The following DGKI variants were observed in gnomAD, a reference collection of about 807,000 sequenced individuals.
DGKI encodes the protein diacylglycerol kinase iota.
A neutral mutation model predicts 147.5 loss-of-function variants in DGKI; 55 were observed. The ratio of observed to expected loss-of-function variants is 0.37; its 90% CI spans 0.30 to 0.47. DGKI has a LOEUF of 0.47. Ranked by LOEUF, DGKI falls within the 20% of genes least tolerant of loss-of-function variation. The pLI is 1.00. For missense variants in DGKI, 1,007 were observed against 1,323.8 expected (o/e 0.76, Z 3.71); for synonymous variants, 469 against 477.1 (o/e 0.98, Z 0.22).
intron 1 of DGKI, among the ~76,000 whole-genome samples, chr7:137,802,834 C>A (rs1797257437): frequency 6.6e-6 from 1 of 152,094 alleles, no homozygotes; most frequent in South Asian, 2.1e-4. Flanking sequence ...TTACTCTGGC[C>A]TTTATTTAAT....
At chr7:137,833,907 T>A (rs1044165456) in intron 1 of DGKI, among the ~76,000 whole-genome samples, 7 of 152,194 alleles carry the variant, frequency 4.6e-5, no homozygotes, top group African/African-American at 1.7e-4. Context: ...TTTGGATGCA[T>A]ATAGGAATAT....
intron 12 of DGKI, 108 bp downstream of exon 12, chr7:137,597,739 T>G (rs1225356876): frequency 1.0e-6 from 1 of 977,248 alleles, no homozygotes; most frequent in Non-Finnish European, 1.6e-6. Flanking sequence ...GAGATATACA[T>G]GTGTTAGGGG....
At chr7:137,734,928 C>T (rs1202002686) in intron 1 of DGKI, among the ~76,000 whole-genome samples, 1 of 152,092 alleles carries the variant, frequency 6.6e-6, no homozygotes, top group Admixed American at 6.5e-5. Context: ...CTTTACACAT[C>T]ACCGCTGATC....
intron 1 of DGKI, among the ~76,000 whole-genome samples, chr7:137,719,156 C>G (rs1010858532): frequency 6.6e-6 from 1 of 152,082 alleles, no homozygotes; most frequent in African/African-American, 2.4e-5. Context: ...CTAGGAGTCT[C>G]TGAAGTCAAA....
At chr7:137,423,706 G>A (rs1032410188) in intron 28 of DGKI, among the ~76,000 whole-genome samples, 11 of 152,000 alleles carry the variant, frequency 7.2e-5, no homozygotes, top group Non-Finnish European at 1.2e-4. Flanking sequence ...CCCCTCACTG[G>A]AACAAAAGTA....
At chr7:137,768,628 G>A (rs776601937) in intron 1 of DGKI, among the ~76,000 whole-genome samples, 3 of 152,176 alleles carry the variant, frequency 2.0e-5, no homozygotes, top group African/African-American at 7.2e-5. Flanking sequence ...TGCACGTACA[G>A]GCCCCGGGCA....
intron 21 of DGKI, chr7:137,513,971 G>A (rs573290596): frequency 4.4e-4 from 313 of 713,070 alleles, no homozygotes; most frequent in Non-Finnish European, 5.9e-4. Context: ...GGCCACAGGA[G>A]CAGAAACATG....
At chr7:137,701,384 C>T (rs1823979073) in intron 1 of DGKI, among the ~76,000 whole-genome samples, 1 of 141,126 alleles carries the variant, frequency 7.1e-6, no homozygotes. Context: ...ATAATAAAGG[C>T]ATACATATTG....
chr7:137,724,469 A>G (rs1794663375), intron 1 of DGKI, among the ~76,000 whole-genome samples: 1 of 152,230 alleles, frequency 6.6e-6, no homozygotes, highest in Admixed American at 6.5e-5. Flanking sequence ...CCAGAAAGTG[A>G]TGGCTTGGAT....
intron 29 of DGKI, among the ~76,000 whole-genome samples, chr7:137,411,339 T>C (rs936633860): frequency 6.6e-6 from 1 of 152,104 alleles, no homozygotes; most frequent in Non-Finnish European, 1.5e-5. Flanking sequence ...ATAACAAATA[T>C]TTGTATTTCC....
At chr7:137,540,541 T>C (rs1358452838) in intron 20 of DGKI, among the ~76,000 whole-genome samples, 1 of 151,886 alleles carries the variant, frequency 6.6e-6, no homozygotes, top group Non-Finnish European at 1.5e-5. Flanking sequence ...AAAAGTTAGC[T>C]AGGCATGGTA....
chr7:137,663,346 A>T (rs1822513620), intron 3 of DGKI, among the ~76,000 whole-genome samples: 2 of 152,234 alleles, frequency 1.3e-5, no homozygotes, highest in Admixed American at 1.3e-4. Context: ...CACCTAGAGG[A>T]GGGCAAAATC....
At chr7:137,768,190 T>C (rs1009358922) in intron 1 of DGKI, among the ~76,000 whole-genome samples, 6 of 152,200 alleles carry the variant, frequency 3.9e-5, no homozygotes, top group African/African-American at 9.7e-5. Context: ...TACCTAATAC[T>C]ATCATCTTGG....
rs75995291 is a variant in DGKI, at chr7:137,758,282, T to G, written c.402-68280A>C. Among the ~76,000 whole-genome samples the G allele has an allele frequency of 1.7e-3, 255 of 152,274 alleles. 4 individuals carry two copies. In the East Asian group the frequency reaches 0.035, roughly 21 times the overall value. Reference sequence around the variant, plus strand: ...TCTGGGACTCAGGTCCTGGCCCAAGTGGTAGCTCCAGCATCCATTTCTGTA... The same window carrying G: ...TCTGGGACTCAGGTCCTGGCCCAAGGGGTAGCTCCAGCATCCATTTCTGTA... On this transcript the variant is annotated intron_variant, in intron 1 of 32. Coordinates refer to ENST00000614521, the MANE Select transcript of DGKI (RefSeq NM_001321708.2).
intron 30 of DGKI, among the ~76,000 whole-genome samples, chr7:137,402,296 G>T (rs1272430088): frequency 1.3e-5 from 2 of 152,156 alleles, no homozygotes; most frequent in African/African-American, 4.8e-5. Flanking sequence ...TTGAAATATG[G>T]ATTCAAAAGA....
chr7:137,420,998 G>A (rs1373193924), intron 28 of DGKI, among the ~76,000 whole-genome samples: 1 of 152,024 alleles, frequency 6.6e-6, no homozygotes, highest in Non-Finnish European at 1.5e-5. Flanking sequence ...CAGCCTGAGT[G>A]ACAGAGTGAG....
At chr7:137,512,127 C>G (rs374632781) in intron 21 of DGKI, among the ~76,000 whole-genome samples, 1 of 152,154 alleles carries the variant, frequency 6.6e-6, no homozygotes, top group African/African-American at 2.4e-5. Context: ...GACCTATGAC[C>G]GCAAATTCTT....
intron 8 of DGKI, among the ~76,000 whole-genome samples, chr7:137,616,950 T>G (rs1233021267): frequency 6.6e-6 from 1 of 151,682 alleles, no homozygotes; most frequent in Admixed American, 6.6e-5. Flanking sequence ...ATAATAGACT[T>G]TGGCAAAACT....
chr7:137,413,626 A>C (rs1280547409), intron 28 of DGKI, among the ~76,000 whole-genome samples: 1 of 152,202 alleles, frequency 6.6e-6, no homozygotes, highest in East Asian at 1.9e-4. Context: ...ATTCTTTTTT[A>C]TGACTGTGTA....
Sources: gnomAD v4.1 joint callset for allele counts (sites outside exome capture counted in the v4.1 genomes callset) on GRCh38, gnomAD v4.1.1 for gene constraint, MANE v1.5 for transcripts, NCBI Gene and HGNC (gene_info 2026-07-23, HGNC 2026-07-21) for gene names.